Variants in PIBF1 observed in about 807,000 individuals in gnomAD.
PIBF1 encodes progesterone-induced-blocking factor 1.
PIBF1 carries 90 observed loss-of-function variants against 112.5 expected under a neutral mutation model. The observed-to-expected ratio is 0.80, with a 90% CI of 0.67 to 0.95. The LOEUF (loss-of-function observed/expected upper bound fraction) is 0.95, where lower values mean the gene tolerates loss of function less well. PIBF1 is among the 40% of genes least tolerant of loss of function. The probability of loss-of-function intolerance (pLI) is 0.00; values close to 1 mark genes in which losing one functional copy is unlikely to be tolerated. For synonymous variants in PIBF1, 301 were observed against 288.6 expected (o/e 1.04, Z -0.44); for missense variants, 915 against 852.3 (o/e 1.07, Z -0.92).
intron 2 of PIBF1, among the ~76,000 whole-genome samples, chr13:72,788,514 A>G (rs1265545140): frequency 6.6e-6 from 1 of 152,194 alleles, no homozygotes; most frequent in East Asian, 1.9e-4. Context: ...TATTTTCAAC[A>G]TATGCTTTTC....
At chr13:72,825,313 A>G (rs2036752841) in intron 6 of PIBF1, among the ~76,000 whole-genome samples, 2 of 152,240 alleles carry the variant, frequency 1.3e-5, no homozygotes, top group Admixed American at 6.5e-5. Context: ...ATAAGAGACT[A>G]TCTTTAATCT....
chr13:72,887,860 T>C (rs1396442924), intron 10 of PIBF1, among the ~76,000 whole-genome samples: 2 of 152,098 alleles, frequency 1.3e-5, no homozygotes, highest in Admixed American at 6.6e-5. Flanking sequence ...CGTCTAAATA[T>C]GTATATAATG....
intron 11 of PIBF1, among the ~76,000 whole-genome samples, chr13:72,895,555 A>T (rs1211298554): frequency 6.6e-6 from 1 of 152,082 alleles, no homozygotes; most frequent in Admixed American, 6.5e-5. Flanking sequence ...ACTGATAAGT[A>T]CCAAAATATA....
rs531463400 is a variant in PIBF1 at position 72,844,969 on chromosome 13, T to TTTTTA, written c.1224-9067_1224-9063dup. 1.8e-3 allele frequency among the ~76,000 whole-genome samples: 274 copies of TTTTTA among 152,072 alleles called. 5 individuals carry two copies. In the Middle Eastern group the frequency reaches 0.02, roughly 11 times the overall value. On this transcript the variant is annotated intron_variant, in intron 9 of 17. Transcript: ENST00000326291. ...TAGCAAAGAGGACTTTTTCTTTTCTTTTTTATTTTATTTTATTTTATTTTA... is the reference window on the plus strand; with the variant it reads ...TAGCAAAGAGGACTTTTTCTTTTCTTTTTTATTTTATTTTATTTTATTTTATTTTA...
At chr13:72,895,475 A>G (rs1453038899) in intron 11 of PIBF1, among the ~76,000 whole-genome samples, 1 of 152,018 alleles carries the variant, frequency 6.6e-6, no homozygotes, top group Admixed American at 6.5e-5. Flanking sequence ...GGGAAAAAAA[A>G]GGAATGGACC....
At chr13:72,817,991 T>C (rs531119579) in intron 5 of PIBF1, among the ~76,000 whole-genome samples, 1 of 152,266 alleles carries the variant, frequency 6.6e-6, no homozygotes, top group East Asian at 1.9e-4. Flanking sequence ...ATATGTGCAT[T>C]CTTATACTGC....
intron 16 of PIBF1, among the ~76,000 whole-genome samples, chr13:72,996,358 AG>A (rs1459405194): frequency 6.6e-6 from 1 of 152,180 alleles, no homozygotes; most frequent in African/African-American, 2.4e-5. Context: ...AAATCCTAAA[AG>A]GTAACAGAAG....
chr13:72,922,475 C>T (rs899880976), intron 13 of PIBF1, among the ~76,000 whole-genome samples: 3 of 152,182 alleles, frequency 2.0e-5, no homozygotes, highest in African/African-American at 7.2e-5. Flanking sequence ...CTTTAACCTG[C>T]CACACTAAAT....
At chr13:72,826,490 A>C (rs1340889753) in intron 6 of PIBF1, among the ~76,000 whole-genome samples, 46 of 152,340 alleles carry the variant, frequency 3.0e-4, no homozygotes. Flanking sequence ...GTTTTAGTCC[A>C]ATTCTTGGTA....
At chr13:72,945,567 A>G (rs766270058) in intron 14 of PIBF1, among the ~76,000 whole-genome samples, 3 of 152,202 alleles carry the variant, frequency 2.0e-5, no homozygotes, top group Non-Finnish European at 2.9e-5. Context: ...AATAAAAGCT[A>G]TTCTGATTGG....
chr13:72,917,175 A>C lies in PIBF1; in HGVS notation c.1730+9A>C. ...AGACGACTAAAGCAAAGGTAAAATC[A>C]ATATATATTTATTTTATTTATCTAC... is the stretch of plus-strand genomic sequence containing the variant. On this transcript the variant is annotated intron_variant, in intron 13 of 17. Coordinates refer to ENST00000326291, the MANE Select transcript of PIBF1 (RefSeq NM_006346.4). 4.7e-6 allele frequency: 7 copies of C among 1,504,320 alleles called. No homozygotes were observed. Among genetic ancestry groups the C allele is most frequent in the Non-Finnish European group, 5.4e-6 (6 of 1,105,650 alleles). The allele number at this position is 1,504,320 out of a possible 1,614,324, so 93.2% of individuals were successfully genotyped here. A position where few individuals can be genotyped will look rare whatever the true frequency, so the allele number is the denominator to read the frequency against.
intron 5 of PIBF1, among the ~76,000 whole-genome samples, chr13:72,807,097 A>G (rs1267308776): frequency 8.6e-5 from 13 of 151,414 alleles, no homozygotes; most frequent in Non-Finnish European, 2.9e-5. Context: ...ACCTCTTGGG[A>G]GAAATGGGCA....
At chr13:72,915,069 G>A (rs564017227) in intron 12 of PIBF1, among the ~76,000 whole-genome samples, 66 of 152,052 alleles carry the variant, frequency 4.3e-4, no homozygotes, top group Non-Finnish European at 6.8e-4. Flanking sequence ...ATTATATATA[G>A]CATGTACATT....
chr13:72,929,596 T>G (rs2041638662), intron 13 of PIBF1, among the ~76,000 whole-genome samples: 1 of 152,104 alleles, frequency 6.6e-6, no homozygotes, highest in African/African-American at 2.4e-5. Context: ...ATACTAAAAA[T>G]CATTGAATTG....
chr13:72,835,349 A>T lies in PIBF1; in HGVS notation c.1204A>T (p.Met402Leu), dbSNP rs1192755990. Residue 402 changes from methionine to leucine, a missense_variant, in exon 9 of 18, where the codon ATG (methionine) becomes TTG (leucine). Transcript: ENST00000326291. ...IDQLRNASRE[M>L]YERENRNLRE... ...TCAACTTCGAAATGCCTCTAGGGAA[A>T]TGTATGAACGAGAAAACAGGTAAAA... is the stretch of plus-strand genomic sequence containing the variant. 6.3e-6 allele frequency: 10 copies of T among 1,579,632 alleles called. No individual in the cohort carries two copies. The African/African-American group carries it at 1.4e-4, about 22-fold the overall frequency.
At chr13:72,990,070 T>C (rs1034241081) in intron 16 of PIBF1, among the ~76,000 whole-genome samples, 2 of 151,262 alleles carry the variant, frequency 1.3e-5, no homozygotes, top group African/African-American at 2.4e-5. Context: ...AAAAATTAGC[T>C]GGGCGTGGTG....
chr13:72,822,193 G>C (rs147364490), intron 6 of PIBF1, among the ~76,000 whole-genome samples: 1 of 152,196 alleles, frequency 6.6e-6, no homozygotes, highest in Admixed American at 6.5e-5. Flanking sequence ...GTCTTAAAAT[G>C]TAAACAGAGA....
At chr13:72,932,168 T>C (rs1193542148) in intron 14 of PIBF1, among the ~76,000 whole-genome samples, 1 of 152,078 alleles carries the variant, frequency 6.6e-6, no homozygotes, top group East Asian at 1.9e-4. Context: ...AGTCTAGAAC[T>C]TCTGGGCTCA....
chr13:72,928,016 C>CACACAT (rs1566458475), intron 13 of PIBF1, among the ~76,000 whole-genome samples: 19 of 53,972 alleles, frequency 3.5e-4, no homozygotes, highest in African/African-American at 1.2e-3. Flanking sequence ...CATATATATA[C>CACACAT]ATATATATAC....
Sources: allele counts gnomAD v4.1 joint callset (sites outside exome capture counted in the v4.1 genomes callset), GRCh38; gene constraint gnomAD v4.1.1; transcripts MANE v1.5; gene names NCBI Gene and HGNC (gene_info 2026-07-23, HGNC 2026-07-21).